ASF1B: variants seen among roughly 807,000 people sequenced by gnomAD.
The protein encoded by ASF1B is histone chaperone ASF1B.
In ASF1B, 10 loss-of-function variants were observed where a neutral mutation model predicts 16.6. The ratio of observed to expected loss-of-function variants is 0.60; its 90% CI spans 0.37 to 1.02. ASF1B has a LOEUF of 1.02. Among genes scored for constraint, ASF1B ranks in the 50% least tolerant of loss-of-function variants. The pLI is 0.01. For synonymous variants in ASF1B, 101 were observed against 106.2 expected, an observed-to-expected ratio of 0.95 and a Z score of 0.30; for missense variants, 240 against 266.0, an observed-to-expected ratio of 0.90 and a Z score of 0.68.
intron 3 of ASF1B, chr19:14,121,177 G>A (rs35263699): frequency 0.11 from 40,861 of 374,900 alleles, 2,714 homozygotes; most frequent in Admixed American, 0.19. Flanking sequence ...CTGGAATGCA[G>A]TGGCACGATC....
In ASF1B at chr19:14,120,159, T is replaced by C; in HGVS notation, c.*300A>G. ...GGTCTGTGGGAAAGCTTTGGATCAA[T>C]GGTACTCAAGGGTGCACAGTGGCAC... On this transcript the variant is annotated 3_prime_UTR_variant, in exon 4 of 4. Coordinates refer to ENST00000263382, the MANE Select transcript of ASF1B (RefSeq NM_018154.3). The C allele has an allele frequency of 3.1e-6, 1 of 319,074 alleles. No individual in the cohort carries two copies. The highest frequency in any genetic ancestry group is 5.8e-6 in the Non-Finnish European group (1 of 172,850). 19.8% of individuals were successfully genotyped at this position (319,074 alleles called of 1,614,324 possible).
chr19:14,121,636 T>C lies in ASF1B; in HGVS notation c.298A>G (p.Thr100Ala), dbSNP rs777520767. 11 of 1,613,736 alleles carry C rather than the reference T, an allele frequency of 6.8e-6. No individual in the cohort carries two copies. Among genetic ancestry groups the C allele is most frequent in the Non-Finnish European group, 7.6e-6 (9 of 1,179,996 alleles). The part of the protein sequence containing the change: ...VGVTVVLITC[T>A]YHGQEFIRVG... The stretch of plus-strand genomic sequence containing the variant: ...CGGATGAACTCCTGTCCATGGTAGG[T>C]GCAGGTGATGAGGACCACAGTCACA... The change falls in exon 3 of 4, where the codon ACC becomes GCC. Residue 100 changes from threonine to alanine, a missense_variant. Physicochemically the swap from Thr to Ala is moderately conservative, Grantham distance 58. Coordinates refer to ENST00000263382, the MANE Select transcript of ASF1B (RefSeq NM_018154.3).
At chr19:14,121,812 C>T in intron 2 of ASF1B, 104 bp from the exon 3 acceptor site, 10 of 1,060,112 alleles carry the variant, frequency 9.4e-6, no homozygotes, top group Non-Finnish European at 1.3e-5. Context: ...AAAAAGTATG[C>T]TCTCTGCCCT....
Position 14,134,933 on chromosome 19 carries a change from AAAG to A in ASF1B, c.109+1412_109+1414del, listed in dbSNP as rs559538687. Among the ~76,000 whole-genome samples the A allele has an allele frequency of 3.9e-4, 60 of 152,126 alleles. 1 individual carries two copies. The South Asian group carries it at 8.7e-3, about 22-fold the overall frequency. On this transcript the variant is annotated intron_variant, in intron 1 of 3. Coordinates refer to ENST00000263382, the MANE Select transcript of ASF1B (RefSeq NM_018154.3). ...ATTATCCAGCTATATTAAAAAAAAAAAAGAAGAAGACGGGGCACGGTGGCTCAC... is the reference window on the plus strand; with the variant it reads ...ATTATCCAGCTATATTAAAAAAAAAAAAGAAGACGGGGCACGGTGGCTCAC...
intron 2 of ASF1B, among the ~76,000 whole-genome samples, chr19:14,123,709 T>C (rs1234265115): frequency 6.6e-6 from 1 of 151,978 alleles, no homozygotes; most frequent in Non-Finnish European, 1.5e-5. Flanking sequence ...CTTTTCCCTC[T>C]GTCATCCAGA....
rs1430589443 is a variant in ASF1B, at chr19:14,119,722, G to A, written c.*737C>T. The A allele has an allele frequency of 1.3e-5, 2 of 152,686 alleles. No individual in the cohort carries two copies. Among genetic ancestry groups the A allele is most frequent in the Non-Finnish European group, 1.5e-5 (1 of 68,054 alleles). The allele number at this position is 152,686 out of a possible 1,614,324, so 9.5% of individuals were successfully genotyped here. ...CTGGTCCTAGCAGAGGACAGGTTAA[G>A]GCTGCCAGAGGCAGAGGGTCCCTGA... On this transcript the variant is annotated 3_prime_UTR_variant, in exon 4 of 4. Coordinates refer to ENST00000263382, the MANE Select transcript of ASF1B (RefSeq NM_018154.3).
chr19:14,124,186 C>T (rs899529082), intron 2 of ASF1B, among the ~76,000 whole-genome samples: 2 of 152,026 alleles, frequency 1.3e-5, no homozygotes, highest in African/African-American at 4.8e-5. Flanking sequence ...AGACAGGTCT[C>T]GCTGTCACCC....
intron 1 of ASF1B, among the ~76,000 whole-genome samples, chr19:14,130,787 G>GTGTGTATATATA (rs141600762): frequency 7.0e-5 from 10 of 142,474 alleles, no homozygotes; most frequent in African/African-American, 2.6e-4. Context: ...GTGTTTGTGT[G>GTGTGTATATATA]TATATATATA....
chr19:14,136,233 C>T, intron 1 of ASF1B, 115 bp downstream of exon 1: 2 of 678,990 alleles, frequency 2.9e-6, no homozygotes, highest in Non-Finnish European at 4.4e-6. Flanking sequence ...TCGGGGTTGG[C>T]GGAAGGGGGA....
At chr19:14,127,251 C>CT (rs984317461) in intron 1 of ASF1B, among the ~76,000 whole-genome samples, 6 of 152,356 alleles carry the variant, frequency 3.9e-5, no homozygotes, top group Non-Finnish European at 8.8e-5. Context: ...GTGACCTTGA[C>CT]TATACCTCTG....
At chr19:14,129,196 G>A (rs1201742383) in intron 1 of ASF1B, among the ~76,000 whole-genome samples, 1 of 152,130 alleles carries the variant, frequency 6.6e-6, no homozygotes, top group African/African-American at 2.4e-5. Flanking sequence ...CAGGGCTGCA[G>A]TGAGCCATGA....
chr19:14,135,365 G>C (rs1967473302), intron 1 of ASF1B, among the ~76,000 whole-genome samples: 1 of 152,176 alleles, frequency 6.6e-6, no homozygotes, highest in African/African-American at 2.4e-5. Flanking sequence ...TCGGATCTCA[G>C]TGTGTTTATC....
chr19:14,133,912 T>G (rs1386061586), intron 1 of ASF1B, among the ~76,000 whole-genome samples: 1 of 146,492 alleles, frequency 6.8e-6, no homozygotes, highest in Non-Finnish European at 1.5e-5. Context: ...CACGCCATTC[T>G]CCTGCCTCAG....
rs188187370 is a variant in ASF1B, at chr19:14,124,173, T to C, written c.225+1949A>G. On this transcript the variant is annotated intron_variant, in intron 2 of 3. Transcript: ENST00000263382. ...CTATGCCTGGTTAATGTTTTTTTTGTAGAGACAGGTCTCGCTGTCACCCAG... is the reference window on the plus strand; with the variant it reads ...CTATGCCTGGTTAATGTTTTTTTTGCAGAGACAGGTCTCGCTGTCACCCAG... Among the ~76,000 whole-genome samples, 3 of 152,150 alleles carry C rather than the reference T, an allele frequency of 2.0e-5. No homozygotes were observed. The East Asian group carries it at 5.8e-4, about 29-fold the overall frequency.
rs561752095 is a variant in ASF1B at position 14,136,384 on chromosome 19, C to G, written c.73G>C (p.Glu25Gln). 1.9e-6 allele frequency: 3 copies of G among 1,613,574 alleles called. No individual in the cohort carries two copies. The highest frequency in any genetic ancestry group is 2.2e-5 in the South Asian group (2 of 91,040). The change falls in exon 1 of 4, where the codon GAG becomes CAG. Residue 25 changes from glutamate to glutamine, a missense_variant. By Grantham distance (29) the Glu-to-Gln change is conservative. Transcript: ENST00000263382. ...PSPFHSPFRFEISFECSEALA... is the reference protein window; with the variant it reads ...PSPFHSPFRFQISFECSEALA... ...GCTTCACTGCACTCGAAGCTGATCT[C>G]GAACCGGAAGGGGCTGTGGAAAGGG...
chr19:14,123,372 T>TTTC (rs1034497026), intron 2 of ASF1B, among the ~76,000 whole-genome samples: 9 of 150,058 alleles, frequency 6.0e-5, no homozygotes, highest in Non-Finnish European at 1.2e-4. Context: ...TTGTTTTTTC[T>TTTC]TTCTTCTTTT....
intron 2 of ASF1B, 71 bp from the exon 3 acceptor site, chr19:14,121,779 C>A: frequency 1.4e-6 from 2 of 1,399,838 alleles, no homozygotes; most frequent in East Asian, 2.4e-5. Context: ...CAAAGATTCC[C>A]AAGCATCATG....
chr19:14,125,230 G>A (rs1036357482), intron 2 of ASF1B, among the ~76,000 whole-genome samples: 4 of 152,186 alleles, frequency 2.6e-5, no homozygotes, highest in African/African-American at 9.7e-5. Context: ...GCCTCCCAAA[G>A]TGCTGGGATT....
chr19:14,131,592 C>T (rs1471046887), intron 1 of ASF1B, among the ~76,000 whole-genome samples: 11 of 150,512 alleles, frequency 7.3e-5, no homozygotes, highest in African/African-American at 2.7e-4. Context: ...ACGCCATTCT[C>T]CTGCCTCAGC....
Sources: gnomAD v4.1 joint callset for allele counts (sites outside exome capture counted in the v4.1 genomes callset) on GRCh38, gnomAD v4.1.1 for gene constraint, MANE v1.5 for transcripts, NCBI Gene and HGNC (gene_info 2026-07-23, HGNC 2026-07-21) for gene names.